The following BACE2 variants were observed in gnomAD, a reference collection of about 807,000 sequenced individuals.
The protein encoded by BACE2 is beta-secretase 2.
In BACE2, 17 loss-of-function variants were observed where a neutral mutation model predicts 46.2. The observed-to-expected ratio is 0.37, with a 90% CI of 0.25 to 0.55. The LOEUF is 0.55. Ranked by LOEUF, BACE2 falls within the 20% of genes least tolerant of loss-of-function variation. BACE2 has a pLI of 0.82. For missense variants in BACE2, 595 were observed against 698.1 expected, an observed-to-expected ratio of 0.85 and a Z score of 1.66; for synonymous variants, 277 against 295.9, an observed-to-expected ratio of 0.94 and a Z score of 0.66.
At chr21:41,226,504 G>A in intron 2 of BACE2, 150 bp downstream of exon 2, 1 of 647,232 alleles carries the variant, frequency 1.5e-6, no homozygotes, top group Non-Finnish European at 2.7e-6. Context: ...ATGTGGACAT[G>A]TGTATGCATA....
At chr21:41,187,268 G>A (rs1985413426) in intron 1 of BACE2, among the ~76,000 whole-genome samples, 1 of 152,170 alleles carries the variant, frequency 6.6e-6, no homozygotes, top group Non-Finnish European at 1.5e-5. Context: ...CAGCTCACAG[G>A]GGGTTCACTC....
chr21:41,176,978 C>A (rs1984876656), intron 1 of BACE2: 1 of 152,254 alleles, frequency 6.6e-6, no homozygotes, highest in East Asian at 1.9e-4. Flanking sequence ...GCCCAAGTAA[C>A]TGCAAATCCC....
intron 1 of BACE2, chr21:41,185,982 C>A (rs920646897): frequency 2.6e-5 from 4 of 152,284 alleles, no homozygotes; most frequent in African/African-American, 9.7e-5. Context: ...CATGTTAGGA[C>A]TGAAAATGAA....
At position 41,193,971 on chromosome 21, in the gene BACE2, G is replaced by T. The variant is rs1390850225; in HGVS notation, c.312+25396G>T. Among the ~76,000 whole-genome samples the T allele has an allele frequency of 1.3e-5, 2 of 152,202 alleles. No individual in the cohort carries two copies. The highest frequency in any genetic ancestry group is 4.8e-5 in the African/African-American group (2 of 41,456). On this transcript the variant is annotated intron_variant, in intron 1 of 8. Coordinates refer to ENST00000330333, the MANE Select transcript of BACE2 (RefSeq NM_012105.5). The surrounding 1 kb of genome is among the most constrained non-coding windows in gnomAD (Gnocchi z 4.2). ...TCTCTTTGGGGAAGGATGGGAGAAAGATTCACTGCATACATTGTCGGTAAT... is the reference window on the plus strand; with the variant it reads ...TCTCTTTGGGGAAGGATGGGAGAAATATTCACTGCATACATTGTCGGTAAT...
chr21:41,180,126 C>G, intron 1 of BACE2: 1 of 190,430 alleles, frequency 5.3e-6, no homozygotes. Flanking sequence ...TAATTATATG[C>G]AAATGAAGGG....
chr21:41,187,396 G>A (rs1985417642), intron 1 of BACE2, among the ~76,000 whole-genome samples: 1 of 152,186 alleles, frequency 6.6e-6, no homozygotes, highest in Admixed American at 6.5e-5. Context: ...AGTTTGCTGT[G>A]GCTACTGTGT....
chr21:41,177,023 A>C (rs1279630889), intron 1 of BACE2: 1 of 152,246 alleles, frequency 6.6e-6, no homozygotes, highest in East Asian at 1.9e-4. Flanking sequence ...AAGGCAGTGC[A>C]AACTAGAAGT....
Position 41,208,061 on chromosome 21 carries a change from T to G in BACE2, c.313-18205T>G, listed in dbSNP as rs563644084. Among the ~76,000 whole-genome samples, 3 of 152,244 alleles carry G rather than the reference T, an allele frequency of 2.0e-5. No homozygotes were observed. In the South Asian group the frequency reaches 6.2e-4, roughly 32 times the overall value. ...CTAGGGCCTTAGGAAGGGAGAGGAA[T>G]GCAGGCAAAAGTCGTCTCCCATACA... On this transcript the variant is annotated intron_variant, in intron 1 of 8. Transcript: ENST00000330333.
chr21:41,200,095 T>C (rs531246474), intron 1 of BACE2, among the ~76,000 whole-genome samples: 11 of 150,742 alleles, frequency 7.3e-5, no homozygotes, highest in East Asian at 5.9e-4. Flanking sequence ...TGTCAAATGA[T>C]GAGTTGATGG....
intron 8 of BACE2, among the ~76,000 whole-genome samples, chr21:41,272,940 A>G (rs2088448204): frequency 6.6e-6 from 1 of 152,076 alleles, no homozygotes; most frequent in African/African-American, 2.4e-5. Flanking sequence ...GTTCTTTTCT[A>G]TTTCCTTAAG....
At chr21:41,252,347 C>T (rs1038474357) in intron 7 of BACE2, 2 of 152,376 alleles carry the variant, frequency 1.3e-5, no homozygotes, top group East Asian at 1.9e-4. Flanking sequence ...CTGAAATGCC[C>T]TCCCTTCCTT....
At chr21:41,273,810 T>C (rs9978431) in intron 8 of BACE2, among the ~76,000 whole-genome samples, 77,445 of 152,122 alleles carry the variant, frequency 0.51, 21,597 homozygotes, top group East Asian at 0.85. Flanking sequence ...TGTTCAGAGA[T>C]TGCAGTAAAG....
In BACE2 at chr21:41,240,744, C is replaced by T. The variant is rs540862736; in HGVS notation, c.619-1075C>T. ...TCTGACAGAGATTGCATATGGAAAT[C>T]GTGCTAGATTCTGCCTCGGAATTCT... On this transcript the variant is annotated intron_variant, in intron 3 of 8. Transcript: ENST00000330333. 1.3e-4 allele frequency among the ~76,000 whole-genome samples: 20 copies of T among 152,316 alleles called. No individual in the cohort carries two copies. In the East Asian group the frequency reaches 3.3e-3, roughly 25 times the overall value.
intron 2 of BACE2, among the ~76,000 whole-genome samples, chr21:41,234,780 G>A (rs767705912): frequency 1.3e-5 from 2 of 152,146 alleles, no homozygotes; most frequent in African/African-American, 4.8e-5. Flanking sequence ...TTGGCATTCC[G>A]CCAATCTTCA....
chr21:41,179,786 TTG>T (rs1279750237), intron 1 of BACE2: 1 of 589,760 alleles, frequency 1.7e-6, no homozygotes, highest in Non-Finnish European at 2.8e-6. Flanking sequence ...ACAGAGACTA[TTG>T]TGTGTTTTAT....
intron 1 of BACE2, among the ~76,000 whole-genome samples, chr21:41,215,774 C>T (rs1416772410): frequency 1.3e-5 from 2 of 152,102 alleles, no homozygotes; most frequent in South Asian, 2.1e-4. Context: ...ATCGTATGAG[C>T]TTTTGAGTCA....
intron 8 of BACE2, among the ~76,000 whole-genome samples, chr21:41,260,337 G>A (rs942428480): frequency 2.6e-5 from 4 of 152,008 alleles, no homozygotes; most frequent in Admixed American, 2.0e-4. Flanking sequence ...TAGAGATGGG[G>A]TTTTGCTGCG....
chr21:41,197,655 TA>T (rs371348258), intron 1 of BACE2, among the ~76,000 whole-genome samples: 6,458 of 146,254 alleles, frequency 0.044, 213 homozygotes, highest in East Asian at 0.1. Flanking sequence ...TTGCTTGTGT[TA>T]AAAAAAAAAA....
intron 1 of BACE2, among the ~76,000 whole-genome samples, chr21:41,188,044 G>A (rs1985439432): frequency 6.6e-6 from 1 of 152,146 alleles, no homozygotes; most frequent in African/African-American, 2.4e-5. Context: ...CCTTCCATTA[G>A]TCAATATACG....
Sources: allele counts gnomAD v4.1 joint callset (sites outside exome capture counted in the v4.1 genomes callset), GRCh38; gene constraint gnomAD v4.1.1; non-coding constraint Gnocchi (gnomAD v3.1); transcripts MANE v1.5; gene names NCBI Gene and HGNC (gene_info 2026-07-23, HGNC 2026-07-21).